Variants in CORIN observed in about 807,000 individuals in gnomAD.
The protein encoded by CORIN is corin, serine peptidase.
A neutral mutation model predicts 125.3 loss-of-function variants in CORIN; 117 were observed. That is an observed-to-expected ratio of 0.93 (90% confidence interval 0.80 to 1.09). The LOEUF (loss-of-function observed/expected upper bound fraction) is 1.09. Ranked by LOEUF, CORIN falls within the 50% of genes least tolerant of loss-of-function variation. The probability of loss-of-function intolerance (pLI) is 0.00; values close to 1 mark genes in which losing one functional copy is unlikely to be tolerated. For missense variants in CORIN, 1,253 were observed against 1,306.7 expected, an observed-to-expected ratio of 0.96 and a Z score of 0.63; for synonymous variants, 450 against 466.4, an observed-to-expected ratio of 0.96 and a Z score of 0.45.
At position 47,744,583 on chromosome 4, in the gene CORIN, A is replaced by G; in HGVS notation, c.618T>C (p.Ser206=). 1 of 1,556,474 alleles carries G rather than the reference A, an allele frequency of 6.4e-7. No individual in the cohort carries two copies. The highest frequency in any genetic ancestry group is 8.6e-7 in the Non-Finnish European group (1 of 1,156,302). The change falls in exon 5 of 22, where the codon AGT becomes AGC. Residue 206 remains serine, a splice_region_variant and synonymous_variant. Coordinates refer to ENST00000273857, the MANE Select transcript of CORIN (RefSeq NM_006587.4). ...AGGACCTACAGGGCAGGAGTCCATGACTAAAAAAAAAAAAAGAGAAAGGTG... is the reference window on the plus strand; with the variant it reads ...AGGACCTACAGGGCAGGAGTCCATGGCTAAAAAAAAAAAAAGAGAAAGGTG... ...FPECIIDGDD[S]HGLLPCRSFC... is the part of the protein sequence containing the mutation.
chr4:47,811,725 T>C (rs1474938837), intron 1 of CORIN, among the ~76,000 whole-genome samples: 1 of 152,218 alleles, frequency 6.6e-6, no homozygotes, highest in African/African-American at 2.4e-5. Flanking sequence ...CTTAAATATA[T>C]AGAACAGGGA....
At chr4:47,711,490 C>A (rs1222350869) in intron 5 of CORIN, among the ~76,000 whole-genome samples, 1 of 152,192 alleles carries the variant, frequency 6.6e-6, no homozygotes, top group African/African-American at 2.4e-5. Context: ...CAAGCTGGAA[C>A]ACAGATACAG....
chr4:47,633,062 G>A (rs1349273812), intron 16 of CORIN, among the ~76,000 whole-genome samples: 2 of 152,112 alleles, frequency 1.3e-5, no homozygotes, highest in Non-Finnish European at 2.9e-5. Flanking sequence ...GATTATAGGC[G>A]TGAGCCACTG....
chr4:47,648,892 A>G (rs1723610800), intron 13 of CORIN, among the ~76,000 whole-genome samples: 1 of 152,206 alleles, frequency 6.6e-6, no homozygotes, highest in Non-Finnish European at 1.5e-5. Context: ...TAGCAGCCAG[A>G]GTACAGGCCT....
At chr4:47,822,747 C>T (rs892234195) in intron 1 of CORIN, among the ~76,000 whole-genome samples, 3 of 152,106 alleles carry the variant, frequency 2.0e-5, no homozygotes, top group Admixed American at 6.5e-5. Context: ...TCAAGCCTCC[C>T]CATTGTAACA....
intron 2 of CORIN, among the ~76,000 whole-genome samples, 186 bp from the exon 3 acceptor site, chr4:47,787,111 A>G (rs1225103794): frequency 6.6e-6 from 1 of 152,180 alleles, no homozygotes; most frequent in African/African-American, 2.4e-5. Context: ...CACAAAACCA[A>G]GAGTTTCTCT....
chr4:47,632,811 A>G (rs57700234), intron 16 of CORIN, among the ~76,000 whole-genome samples: 39,136 of 148,586 alleles, frequency 0.26, 5,387 homozygotes, highest in Admixed American at 0.36. Context: ...ATGGAGTCTC[A>G]CTCTGTCGCC....
At chr4:47,796,736 A>G (rs1731306131) in intron 2 of CORIN, among the ~76,000 whole-genome samples, 1 of 152,084 alleles carries the variant, frequency 6.6e-6, no homozygotes. Flanking sequence ...TATGCCAATC[A>G]TACCTCATTA....
At chr4:47,638,902 AT>A (rs1723131864) in intron 16 of CORIN, among the ~76,000 whole-genome samples, 1 of 152,216 alleles carries the variant, frequency 6.6e-6, no homozygotes, top group Admixed American at 6.5e-5. Context: ...AAATCTTCTC[AT>A]CTAGACAAGC....
intron 19 of CORIN, among the ~76,000 whole-genome samples, chr4:47,605,165 C>T (rs1240908358): frequency 6.6e-6 from 1 of 152,132 alleles, no homozygotes; most frequent in Non-Finnish European, 1.5e-5. Flanking sequence ...TACTCTGCCC[C>T]CTTCACTCTA....
chr4:47,740,222 T>A (rs1728323567), intron 5 of CORIN, among the ~76,000 whole-genome samples: 1 of 151,902 alleles, frequency 6.6e-6, no homozygotes, highest in East Asian at 1.9e-4. Flanking sequence ...AAATGGAAAT[T>A]TTTAGGTGCC....
At chr4:47,620,408 T>C (rs1184991549) in intron 19 of CORIN, among the ~76,000 whole-genome samples, 1 of 152,254 alleles carries the variant, frequency 6.6e-6, no homozygotes, top group Non-Finnish European at 1.5e-5. Flanking sequence ...GCTGCATCAG[T>C]TGACCTGGAG....
intron 10 of CORIN, among the ~76,000 whole-genome samples, chr4:47,674,181 C>T (rs1724899915): frequency 6.6e-6 from 1 of 152,232 alleles, no homozygotes; most frequent in South Asian, 2.1e-4. Flanking sequence ...GACTTATAGG[C>T]GTTCGCAATG....
At chr4:47,830,132 A>G (rs1172770548) in intron 1 of CORIN, among the ~76,000 whole-genome samples, 2 of 152,202 alleles carry the variant, frequency 1.3e-5, no homozygotes, top group African/African-American at 4.8e-5. Context: ...TGAAGATGAA[A>G]ATCATGTACT....
At chr4:47,815,797 TTATTGA>T (rs1732240737) in intron 1 of CORIN, among the ~76,000 whole-genome samples, 1 of 152,142 alleles carries the variant, frequency 6.6e-6, no homozygotes, top group African/African-American at 2.4e-5. Flanking sequence ...TATTTGATAT[TTATTGA>T]TAAAAATGTT....
intron 10 of CORIN, among the ~76,000 whole-genome samples, chr4:47,673,843 C>T (rs894423398): frequency 1.3e-5 from 2 of 152,046 alleles, no homozygotes; most frequent in Non-Finnish European, 2.9e-5. Flanking sequence ...GGGTGTTTAG[C>T]GCCTGTAATC....
chr4:47,614,974 GCAAT>G (rs1722018764), intron 19 of CORIN, among the ~76,000 whole-genome samples: 1 of 152,188 alleles, frequency 6.6e-6, no homozygotes, highest in East Asian at 1.9e-4. Flanking sequence ...ATTTGACGGG[GCAAT>G]CACTTTGGCT....
chr4:47,667,948 TA>T (rs2109680086), intron 10 of CORIN, among the ~76,000 whole-genome samples: 1 of 152,248 alleles, frequency 6.6e-6, no homozygotes, highest in South Asian at 2.1e-4. Context: ...GATTGAGTTA[TA>T]AGGGTACAGC....
At chr4:47,795,759 CA>C (rs199683963) in intron 2 of CORIN, among the ~76,000 whole-genome samples, 3 of 149,442 alleles carry the variant, frequency 2.0e-5, no homozygotes, top group Non-Finnish European at 3.0e-5. Context: ...AAATCAATAG[CA>C]AAAAAAAAGG....
Sources: allele counts gnomAD v4.1 joint callset (sites outside exome capture counted in the v4.1 genomes callset), GRCh38; gene constraint gnomAD v4.1.1; transcripts MANE v1.5; gene names NCBI Gene and HGNC (gene_info 2026-07-23, HGNC 2026-07-21).